BCAS3: variants seen among roughly 807,000 people sequenced by gnomAD.
BCAS3 encodes the protein BCAS3 microtubule associated cell migration factor, also known as BCAS4/BCAS3 fusion.
BCAS3 carries 53 observed loss-of-function variants against 116.1 expected under a neutral mutation model. The ratio of observed to expected loss-of-function variants is 0.46; its 90% CI spans 0.37 to 0.57. The LOEUF is 0.57. Ranked by LOEUF, BCAS3 falls within the 20% of genes least tolerant of loss-of-function variation. BCAS3 has a pLI of 0.00. For synonymous variants in BCAS3, 391 were observed against 408.2 expected (o/e 0.96, Z 0.51); for missense variants, 917 against 1,165.4 (o/e 0.79, Z 3.10).
chr17:60,751,864 A>G (rs1271025494), intron 6 of BCAS3, among the ~76,000 whole-genome samples: 1 of 152,176 alleles, frequency 6.6e-6, no homozygotes, highest in Non-Finnish European at 1.5e-5. Flanking sequence ...TCTTAAAGTA[A>G]GGACCATGTA....
intron 9 of BCAS3, among the ~76,000 whole-genome samples, chr17:60,881,263 C>T (rs1226925392): frequency 1.3e-4 from 20 of 152,148 alleles, no homozygotes; most frequent in South Asian, 4.1e-4. Flanking sequence ...CGTGAGCCAC[C>T]GCACCTGGCC....
intron 7 of BCAS3, among the ~76,000 whole-genome samples, chr17:60,814,302 T>TGTGCGCGCGCGC (rs2049139108): frequency 7.2e-5 from 10 of 138,832 alleles, no homozygotes; most frequent in East Asian, 3.9e-4. Context: ...TGTGTGTGTG[T>TGTGCGCGCGCGC]GTGTGCGCGC....
intron 7 of BCAS3, among the ~76,000 whole-genome samples, chr17:60,858,933 ATTC>A (rs148882186): frequency 0.03 from 4,621 of 152,210 alleles, 178 homozygotes; most frequent in East Asian, 0.091. Flanking sequence ...AAAAAACTGT[ATTC>A]TTCTTTTTGC....
intron 22 of BCAS3, among the ~76,000 whole-genome samples, chr17:61,120,155 A>C (rs777310798): frequency 6.6e-6 from 1 of 152,144 alleles, no homozygotes; most frequent in Non-Finnish European, 1.5e-5. Context: ...CTGAAAGTAT[A>C]CAGGCAAGAA....
In BCAS3 at chr17:61,239,234, T is replaced by G. The variant is rs903670186; in HGVS notation, c.2426-129093T>G. ...GAGTTGATTGGCACCAACATCTTTATTTAGTTTGGGTTAGAACAGATTCTC... is the reference window on the plus strand; with the variant it reads ...GAGTTGATTGGCACCAACATCTTTAGTTAGTTTGGGTTAGAACAGATTCTC... On this transcript the variant is annotated intron_variant, in intron 22 of 23. Coordinates refer to ENST00000407086, the MANE Select transcript of BCAS3 (RefSeq NM_017679.5). This position sits in a 1 kb window ranked among gnomAD's most constrained non-coding sequence, Gnocchi z 4.2. Among the ~76,000 whole-genome samples, 1 of 152,168 alleles carries G rather than the reference T, an allele frequency of 6.6e-6. No homozygotes were observed. Among genetic ancestry groups the G allele is most frequent in the African/African-American group, 2.4e-5 (1 of 41,446 alleles).
chr17:60,698,028 A>C (rs1023231379), intron 4 of BCAS3, among the ~76,000 whole-genome samples: 2 of 151,888 alleles, frequency 1.3e-5, no homozygotes, highest in Non-Finnish European at 2.9e-5. Flanking sequence ...AAATACAAAA[A>C]ATTAGCCAGG....
intron 4 of BCAS3, among the ~76,000 whole-genome samples, chr17:60,691,633 T>G (rs1163986238): frequency 6.6e-6 from 1 of 152,164 alleles, no homozygotes; most frequent in Non-Finnish European, 1.5e-5. Flanking sequence ...TCCTGGGTAT[T>G]AATTCCTTAT....
chr17:61,372,276 C>T (rs2059089107), intron 23 of BCAS3, among the ~76,000 whole-genome samples: 1 of 152,174 alleles, frequency 6.6e-6, no homozygotes, highest in South Asian at 2.1e-4. Context: ...AATAGAGACG[C>T]AGAGACGATG....
rs1372362055 is a variant in BCAS3 at position 61,208,367 on chromosome 17, T to C, written c.2425+123803T>C. On this transcript the variant is annotated intron_variant, in intron 22 of 23. Coordinates refer to ENST00000407086, the MANE Select transcript of BCAS3 (RefSeq NM_017679.5). This position sits in a 1 kb window ranked among gnomAD's most constrained non-coding sequence, Gnocchi z 4.5. The stretch of plus-strand genomic sequence containing the variant: ...GCTAAGCTCTGACTCAGCCTGACTT[T>C]AAATCCATAGTTTCATTTTCTAACA... Among the ~76,000 whole-genome samples the C allele has an allele frequency of 6.6e-6, 1 of 152,224 alleles. No individual in the cohort carries two copies. The highest frequency in any genetic ancestry group is 2.4e-5 in the African/African-American group (1 of 41,464).
In BCAS3 at chr17:60,863,162, C is replaced by A. The variant is rs566193461; in HGVS notation, c.477-5414C>A. ...TGGCACCATTTGTTCCAAAAATGAT[C>A]TTTTCATCATTTAGTTATATTGTAC... On this transcript the variant is annotated intron_variant, in intron 7 of 23. Transcript: ENST00000407086. Among the ~76,000 whole-genome samples the A allele has an allele frequency of 1.5e-4, 23 of 152,148 alleles. No homozygotes were observed. The South Asian group carries it at 4.8e-3, about 32-fold the overall frequency.
At chr17:60,942,063 CA>C (rs36115390) in intron 13 of BCAS3, among the ~76,000 whole-genome samples, 2 of 126,624 alleles carry the variant, frequency 1.6e-5, no homozygotes, top group Non-Finnish European at 3.0e-5. Flanking sequence ...TATAACTCAG[CA>C]AAAAAGTAGG....
In BCAS3 at chr17:61,388,383, C is replaced by T. The variant is rs939023220; in HGVS notation, c.2594-3594C>T. 7 of 478,712 alleles carry T rather than the reference C, an allele frequency of 1.5e-5. No homozygotes were observed. Among genetic ancestry groups the T allele is most frequent in the African/African-American group, 3.9e-5 (2 of 50,810 alleles). The allele number at this position is 478,712 out of a possible 1,614,324, so 29.7% of individuals were successfully genotyped here. A position where few individuals can be genotyped will look rare whatever the true frequency, so the allele number is the denominator to read the frequency against. On this transcript the variant is annotated intron_variant, in intron 23 of 23. Coordinates refer to ENST00000407086, the MANE Select transcript of BCAS3 (RefSeq NM_017679.5). The surrounding 1 kb of genome is among the most constrained non-coding windows in gnomAD (Gnocchi z 6.5). ...TCCTCTCCCCCTCCCCCACTCTGAA[C>T]GGGGTCTTGGCCCCCTCTGTCACAG... is the stretch of plus-strand genomic sequence containing the variant.
intron 22 of BCAS3, among the ~76,000 whole-genome samples, chr17:61,240,940 G>A (rs1304083498): frequency 6.6e-6 from 1 of 152,206 alleles, no homozygotes; most frequent in East Asian, 1.9e-4. Context: ...GACAAAAATA[G>A]TTTAGGCTTT....
At chr17:60,813,553 A>G (rs972199844) in intron 7 of BCAS3, among the ~76,000 whole-genome samples, 10 of 152,218 alleles carry the variant, frequency 6.6e-5, no homozygotes, top group Non-Finnish European at 1.5e-4. Flanking sequence ...TTGTGAATCT[A>G]TAAATATTCA....
chr17:60,691,175 C>T (rs1413448862), intron 4 of BCAS3, among the ~76,000 whole-genome samples: 1 of 152,062 alleles, frequency 6.6e-6, no homozygotes, highest in Non-Finnish European at 1.5e-5. Flanking sequence ...TCAGGTAATT[C>T]ACCTGCCTCG....
chr17:61,351,819 A>G (rs2057867146), intron 22 of BCAS3, among the ~76,000 whole-genome samples: 1 of 152,236 alleles, frequency 6.6e-6, no homozygotes, highest in Non-Finnish European at 1.5e-5. Context: ...GGGTAGCTCC[A>G]AGGGCAGGAG....
At position 61,388,995 on chromosome 17, in the gene BCAS3, T is replaced by G; in HGVS notation, c.2594-2982T>G. The G allele has an allele frequency of 2.5e-6, 1 of 405,878 alleles. No individual in the cohort carries two copies. The highest frequency in any genetic ancestry group is 4.4e-6 in the Non-Finnish European group (1 of 228,216). The allele number at this position is 405,878 out of a possible 1,614,324, so 25.1% of individuals were successfully genotyped here. ...ATTCATTCATTCATTCATTCATTCA[T>G]TCATTCATGCTAGAAATGTTTAGGG... On this transcript the variant is annotated intron_variant, in intron 23 of 23. Coordinates refer to ENST00000407086, the MANE Select transcript of BCAS3 (RefSeq NM_017679.5). The surrounding 1 kb of genome is among the most constrained non-coding windows in gnomAD (Gnocchi z 6.5).
At chr17:61,025,930 ATTT>A (rs2066213224) in intron 16 of BCAS3, among the ~76,000 whole-genome samples, 1 of 152,062 alleles carries the variant, frequency 6.6e-6, no homozygotes, top group Admixed American at 6.5e-5. Flanking sequence ...CAGGATTTTT[ATTT>A]TTTAATTCTA....
At chr17:61,267,790 C>G (rs1416515704) in intron 22 of BCAS3, among the ~76,000 whole-genome samples, 2 of 151,348 alleles carry the variant, frequency 1.3e-5, no homozygotes, top group Non-Finnish European at 2.9e-5. Flanking sequence ...TTTTCCAGAG[C>G]AAAGCCAGGA....
Sources: allele counts gnomAD v4.1 joint callset (sites outside exome capture counted in the v4.1 genomes callset), GRCh38; gene constraint gnomAD v4.1.1; non-coding constraint Gnocchi (gnomAD v3.1); transcripts MANE v1.5; gene names NCBI Gene and HGNC (gene_info 2026-07-23, HGNC 2026-07-21).